POLR1B: variants seen among roughly 807,000 people sequenced by gnomAD.
The protein encoded by POLR1B is RNA polymerase I subunit B.
In POLR1B, 30 loss-of-function variants were observed where a neutral mutation model predicts 105.8. The ratio of observed to expected loss-of-function variants is 0.28; its 90% confidence interval spans 0.21 to 0.38. The LOEUF (loss-of-function observed/expected upper bound fraction) is 0.38, where lower values mean the gene tolerates loss of function less well. POLR1B is among the 10% of genes least tolerant of loss of function. The probability of loss-of-function intolerance (pLI) is 1.00; values close to 1 mark genes in which losing one functional copy is unlikely to be tolerated. For synonymous variants in POLR1B, 485 were observed against 505.1 expected, an observed-to-expected ratio of 0.96 and a Z score of 0.53; for missense variants, 976 against 1,435.8, an observed-to-expected ratio of 0.68 and a Z score of 5.17.
In POLR1B at chr2:112,575,630, C is replaced by T; in HGVS notation, c.3309C>T (p.Arg1103=). The change falls in exon 15 of 15, where the codon CGC becomes CGT. Residue 1103 remains arginine, a synonymous_variant. Coordinates refer to ENST00000263331, the MANE Select transcript of POLR1B (RefSeq NM_019014.6). The surrounding 1 kb of genome is among the most constrained non-coding windows in gnomAD (Gnocchi z 5.3). The part of the protein sequence containing the change: ...NRKYNCTLCS[R]SDTIDTVSVP... ...AATACAACTGTACTCTGTGTAGTCG[C>T]AGTGACACTATCGATACTGTTTCTG... 1 of 1,614,096 alleles carries T rather than the reference C, an allele frequency of 6.2e-7. No individual in the cohort carries two copies. The highest frequency in any genetic ancestry group is 1.1e-5 in the South Asian group (1 of 91,078).
rs1684176064 is a variant in POLR1B, at chr2:112,564,461, C to G, written c.1708C>G (p.Leu570Val). 6.2e-7 allele frequency: 1 copy of G among 1,614,144 alleles called. No homozygotes were observed. The highest frequency in any genetic ancestry group is 1.3e-5 in the African/African-American group (1 of 74,952). ...CATGGTTGGCTGGGTGGATAAGGAT[C>G]TTGCTCCAGGCATCGCAGATTCTCT... is the stretch of plus-strand genomic sequence containing the variant. ...GVMVGWVDKD[L>V]APGIADSLRH... is the part of the protein sequence containing the mutation. Residue 570 changes from leucine (L) to valine (V), a missense_variant, in exon 10 of 15, where the codon CTT (leucine) becomes GTT (valine). Around this residue, in one of 12 missense-constraint regions of POLR1B, gnomAD observed 184 missense variants for 197.4 expected, o/e 0.93. Coordinates refer to ENST00000263331, the MANE Select transcript of POLR1B (RefSeq NM_019014.6).
Position 112,577,006 on chromosome 2 carries a change from CCT to C in POLR1B, c.*1278_*1279del, listed in dbSNP as rs1450560502. On this transcript the variant is annotated 3_prime_UTR_variant, in exon 15 of 15. Coordinates refer to ENST00000263331, the MANE Select transcript of POLR1B (RefSeq NM_019014.6). ...ATTTTATTGTATGGATTTACCATCC[CCT>C]GTGTATTTAAGTTGTTCCATTCTTT... 1 of 152,120 alleles carries C rather than the reference CCT, an allele frequency of 6.6e-6. No individual in the cohort carries two copies. Among genetic ancestry groups the C allele is most frequent in the Non-Finnish European group, 1.5e-5 (1 of 68,032 alleles). 9.4% of individuals were successfully genotyped at this position (152,120 alleles called of 1,614,324 possible).
At position 112,559,426 on chromosome 2, in the gene POLR1B, G is replaced by T; in HGVS notation, c.1464G>T (p.Arg488Ser). The change falls in exon 9 of 15, where the codon AGG (arginine) becomes AGT (serine). Residue 488 changes from arginine to serine, a missense_variant. By Grantham distance (110) the Arg-to-Ser change is moderately radical (BLOSUM62 -1). Around this residue, in one of 12 missense-constraint regions of POLR1B, gnomAD observed 452 missense variants for 616.5 expected, o/e 0.73. Transcript: ENST00000263331. ...FAKMRTTTVR[R>S]LLPESWGFLC... ...AGATGAGGACCACCACAGTACGCAGGCTGCTGCCAGAGTCCTGGGGCTTCC... is the reference window on the plus strand; with the variant it reads ...AGATGAGGACCACCACAGTACGCAGTCTGCTGCCAGAGTCCTGGGGCTTCC... 1.2e-6 allele frequency: 2 copies of T among 1,614,208 alleles called. No homozygotes were observed. Among genetic ancestry groups the T allele is most frequent in the Non-Finnish European group, 1.7e-6 (2 of 1,180,046 alleles).
chr2:112,579,208 C>CAAAAAAAAAA lies in POLR1B; in HGVS notation c.*3502_*3511dup, dbSNP rs56190123. Among the ~76,000 whole-genome samples the CAAAAAAAAAA allele has an allele frequency of 1.0e-4, 6 of 58,692 alleles. No homozygotes were observed. Among genetic ancestry groups the CAAAAAAAAAA allele is most frequent in the Non-Finnish European group, 1.4e-4 (5 of 35,216 alleles). The allele number at this position is 58,692 out of a possible 152,430, so 38.5% of individuals were successfully genotyped here. A position where few individuals can be genotyped will look rare whatever the true frequency, so the allele number is the denominator to read the frequency against. ...GGGCAACAGAGCAAGACTAGAGTCT[C>CAAAAAAAAAA]AAAAAAAAAAAAAAAAAAAAAAAAA... On this transcript the variant is annotated 3_prime_UTR_variant, in exon 15 of 15. Transcript: ENST00000263331.
intron 7 of POLR1B, among the ~76,000 whole-genome samples, chr2:112,556,998 A>G (rs1279442260): frequency 1.3e-5 from 2 of 152,198 alleles, no homozygotes; most frequent in African/African-American, 2.4e-5. Context: ...AAAATATACA[A>G]TAAGGCTGGG....
At chr2:112,570,438 G>A (rs142834109) in intron 12 of POLR1B, among the ~76,000 whole-genome samples, 18 of 152,250 alleles carry the variant, frequency 1.2e-4, no homozygotes, top group African/African-American at 3.4e-4. Flanking sequence ...TGCCCTTAAC[G>A]ACAGGGATAC....
chr2:112,558,655 G>A (rs1021684247), intron 8 of POLR1B, among the ~76,000 whole-genome samples: 2 of 151,450 alleles, frequency 1.3e-5, no homozygotes, highest in African/African-American at 4.9e-5. Flanking sequence ...GTCTCACTCT[G>A]TCACCCAGTC....
intron 11 of POLR1B, 49 bp downstream of exon 11, chr2:112,568,186 A>G (rs780862935): frequency 6.5e-7 from 1 of 1,526,834 alleles, no homozygotes; most frequent in Non-Finnish European, 9.0e-7. Flanking sequence ...TTTGTATAGT[A>G]TACAACTTTC....
chr2:112,552,217 T>C (rs777548431), intron 6 of POLR1B, among the ~76,000 whole-genome samples: 2 of 152,236 alleles, frequency 1.3e-5, no homozygotes, highest in Non-Finnish European at 2.9e-5. Flanking sequence ...TTTTTAACTT[T>C]TATTTTGAAA....
intron 11 of POLR1B, among the ~76,000 whole-genome samples, 187 bp from the exon 12 acceptor site, chr2:112,568,559 T>C (rs916261473): frequency 1.3e-5 from 2 of 152,240 alleles, no homozygotes; most frequent in African/African-American, 2.4e-5. Context: ...TAGAGTGAGA[T>C]ACGTAAAGCA....
At chr2:112,574,443 G>A (rs1048888776) in intron 14 of POLR1B, among the ~76,000 whole-genome samples, 2 of 152,096 alleles carry the variant, frequency 1.3e-5, no homozygotes, top group African/African-American at 4.8e-5. Context: ...TTGCAGGCCA[G>A]GCACAGTAGT....
rs1684802311 is a variant in POLR1B at position 112,575,108 on chromosome 2, A to G, written c.2787A>G (p.Leu929=). ...CATCCCGCATGACCATTGGGATGTT[A>G]ATTGAGAGTATGGCCGGGAAGTCTG... is the stretch of plus-strand genomic sequence containing the variant. The part of the protein sequence containing the change: ...GFPSRMTIGM[L]IESMAGKSAA... The change falls in exon 15 of 15, where the codon TTA becomes TTG. Residue 929 remains leucine, a synonymous_variant. Coordinates refer to ENST00000263331, the MANE Select transcript of POLR1B (RefSeq NM_019014.6). The surrounding 1 kb of genome is among the most constrained non-coding windows in gnomAD (Gnocchi z 5.3). 6.2e-7 allele frequency: 1 copy of G among 1,613,970 alleles called. No individual in the cohort carries two copies.
chr2:112,550,867 A>G lies in POLR1B; in HGVS notation c.627A>G (p.Gly209=), dbSNP rs1329237503. Residue 209 remains glycine, a splice_region_variant and synonymous_variant, in exon 5 of 15, where the codon GGA becomes GGG. Transcript: ENST00000263331. ...KTRGPGYTQY[G]VSMHCVREEH... is the part of the protein sequence containing the mutation. ...TTTTTTTGTTGTTTGGTTCAATAGGAGTTTCAATGCACTGTGTGAGGGAAG... is the reference window on the plus strand; with the variant it reads ...TTTTTTTGTTGTTTGGTTCAATAGGGGTTTCAATGCACTGTGTGAGGGAAG... 6.2e-7 allele frequency: 1 copy of G among 1,613,236 alleles called. No homozygotes were observed. Among genetic ancestry groups the G allele is most frequent in the Non-Finnish European group, 8.5e-7 (1 of 1,179,712 alleles).
intron 13 of POLR1B, 98 bp from the exon 14 acceptor site, chr2:112,573,464 A>G: frequency 2.1e-6 from 3 of 1,405,504 alleles, no homozygotes; most frequent in Non-Finnish European, 1.9e-6. Flanking sequence ...TTAAAATGTG[A>G]TGCCAGTTAT....
chr2:112,547,843 A>AT, intron 3 of POLR1B, among the ~76,000 whole-genome samples: 1 of 146,802 alleles, frequency 6.8e-6, no homozygotes. Flanking sequence ...CTTCCACAAA[A>AT]TTTGTTTTTT....
intron 1 of POLR1B, among the ~76,000 whole-genome samples, chr2:112,544,740 A>G (rs1246628310): frequency 6.6e-6 from 1 of 152,252 alleles, no homozygotes; most frequent in Non-Finnish European, 1.5e-5. Flanking sequence ...ACTAATACTT[A>G]TAAAGCCAAG....
chr2:112,550,999 T>G lies in POLR1B; in HGVS notation c.759T>G (p.Leu253=), dbSNP rs1361065145. 6.2e-7 allele frequency: 1 copy of G among 1,613,260 alleles called. No homozygotes were observed. Among genetic ancestry groups the G allele is most frequent in the Admixed American group, 1.7e-5 (1 of 60,012 alleles). The change falls in exon 5 of 15, where the codon CTT becomes CTG. Residue 253 remains leucine, a synonymous_variant. Transcript: ENST00000263331. The part of the protein sequence containing the change: ...ELFFLPLGFA[L]KALVSFSDYQ... The stretch of plus-strand genomic sequence containing the variant: ...TCTTTCTTCCTTTGGGATTTGCACT[T>G]AAGGTATGACTTAATGAATGCATTC...
rs766890959 is a variant in POLR1B, at chr2:112,568,785, G to T, written c.1957G>T (p.Ala653Ser). The T allele has an allele frequency of 6.2e-7, 1 of 1,614,056 alleles. No individual in the cohort carries two copies. The highest frequency in any genetic ancestry group is 8.5e-7 in the Non-Finnish European group (1 of 1,179,980). The change falls in exon 12 of 15, where the codon GCT (alanine) becomes TCT (serine). Residue 653 changes from alanine (A) to serine (S), a missense_variant. Physicochemically the swap from Ala to Ser is moderately conservative, Grantham distance 99. Coordinates refer to ENST00000263331, the MANE Select transcript of POLR1B (RefSeq NM_019014.6). ...CGCTATCTTTGAGGATGAAGTTTTT[G>T]CTGGAGTTACCACACACCAGGAACT... ...NVAIFEDEVF[A>S]GVTTHQELFP...
rs148585375 is a variant in POLR1B, at chr2:112,565,149, T to G, written c.1746+650T>G. On this transcript the variant is annotated intron_variant, in intron 10 of 14. Coordinates refer to ENST00000263331, the MANE Select transcript of POLR1B (RefSeq NM_019014.6). ...CAAATAATGCTGCTATGAACATGAG[T>G]GTACAAATATCTATTTAAGTCCTTG... Among the ~76,000 whole-genome samples the G allele has an allele frequency of 2.6e-3, 396 of 152,354 alleles. 1 individual carries two copies. The highest frequency in any genetic ancestry group is 9.1e-3 in the African/African-American group (380 of 41,580).
Sources: allele counts gnomAD v4.1 joint callset (sites outside exome capture counted in the v4.1 genomes callset), GRCh38; gene constraint gnomAD v4.1.1; regional missense constraint gnomAD v4.1.1; non-coding constraint Gnocchi (gnomAD v3.1); transcripts MANE v1.5; gene names NCBI Gene and HGNC (gene_info 2026-07-23, HGNC 2026-07-21).